Variants in SUSD1 observed in about 807,000 individuals in gnomAD.
SUSD1 encodes the protein sushi domain containing 1, also known as sushi domain-containing protein 1.
A neutral mutation model predicts 86.9 loss-of-function variants in SUSD1; 65 were observed. The observed-to-expected ratio is 0.75, with a 90% CI of 0.61 to 0.92. The LOEUF is 0.92. SUSD1 is among the 40% of genes least tolerant of loss of function. The pLI, the probability that SUSD1 is intolerant of heterozygous loss-of-function variation, is 0.00. For missense variants in SUSD1, 850 were observed against 929.7 expected (o/e 0.91, Z 1.11); for synonymous variants, 346 against 350.0 (o/e 0.99, Z 0.13).
chr9:112,173,107 G>A (rs550992614), intron 1 of SUSD1, among the ~76,000 whole-genome samples: 7 of 152,054 alleles, frequency 4.6e-5, no homozygotes, highest in Non-Finnish European at 8.8e-5. Flanking sequence ...GATATCACAG[G>A]AAGATCCTGA....
chr9:112,076,668 G>A (rs1829529295), intron 12 of SUSD1, among the ~76,000 whole-genome samples: 1 of 152,196 alleles, frequency 6.6e-6, no homozygotes, highest in Admixed American at 6.5e-5. Flanking sequence ...TCTGCATATA[G>A]GTAATAGTTA....
At chr9:112,110,996 G>T (rs1047272263) in intron 8 of SUSD1, among the ~76,000 whole-genome samples, 7 of 147,680 alleles carry the variant, frequency 4.7e-5, no homozygotes, top group Non-Finnish European at 7.6e-5. Flanking sequence ...TGGTTTTTTT[G>T]GGTTTTTTTT....
At chr9:112,078,839 G>T (rs1829644070) in intron 11 of SUSD1, 115 bp from the exon 12 acceptor site, 1 of 796,676 alleles carries the variant, frequency 1.3e-6, no homozygotes, top group Non-Finnish European at 1.9e-6. Context: ...TTGAGATGGG[G>T]GCCTCACTCT....
intron 1 of SUSD1, among the ~76,000 whole-genome samples, chr9:112,174,229 C>A (rs1272578201): frequency 6.6e-6 from 1 of 152,176 alleles, no homozygotes; most frequent in Non-Finnish European, 1.5e-5. Context: ...CTGCTATGAG[C>A]TGGGATACCT....
intron 12 of SUSD1, among the ~76,000 whole-genome samples, chr9:112,067,927 C>G (rs1829063029): frequency 6.6e-6 from 1 of 152,088 alleles, no homozygotes; most frequent in African/African-American, 2.4e-5. Context: ...GGTAGAAACC[C>G]TCAATCTCAA....
chr9:112,120,167 C>T (rs538714140), intron 6 of SUSD1, among the ~76,000 whole-genome samples: 5 of 152,088 alleles, frequency 3.3e-5, no homozygotes, highest in South Asian at 2.1e-4. Flanking sequence ...TTTAGCCATG[C>T]GTGGTGGGTC....
chr9:112,050,608 G>T (rs978440143), intron 15 of SUSD1, among the ~76,000 whole-genome samples: 1 of 152,206 alleles, frequency 6.6e-6, no homozygotes, highest in Non-Finnish European at 1.5e-5. Context: ...CTGAGGCGGG[G>T]AGAGGAGGTA....
chr9:112,072,102 A>C (rs754965941), intron 12 of SUSD1, among the ~76,000 whole-genome samples: 5 of 133,222 alleles, frequency 3.8e-5, no homozygotes, highest in African/African-American at 5.6e-5. Flanking sequence ...TCCTTTTATT[A>C]TTTATTTATT....
intron 12 of SUSD1, among the ~76,000 whole-genome samples, chr9:112,066,989 C>T (rs1014581902): frequency 1.3e-5 from 2 of 152,174 alleles, no homozygotes; most frequent in Non-Finnish European, 2.9e-5. Context: ...TCTTCTTCTA[C>T]CTCAGCCTCC....
Position 112,113,930 on chromosome 9 carries a change from T to C in SUSD1, c.887-1062A>G, listed in dbSNP as rs113808062. Among the ~76,000 whole-genome samples, 1 of 151,836 alleles carries C rather than the reference T, an allele frequency of 6.6e-6. No individual in the cohort carries two copies. The highest frequency in any genetic ancestry group is 2.1e-4 in the South Asian group (1 of 4,808). On this transcript the variant is annotated intron_variant, in intron 6 of 16. Transcript: ENST00000374270. This position sits in a 1 kb window ranked among gnomAD's most constrained non-coding sequence, Gnocchi z 4.1. Reference sequence around the variant, plus strand: ...CTGGGTGACGGAGCAAAACTCCATCTCAAAAGTAATAAAATAAAATAAAAT... The same window carrying C: ...CTGGGTGACGGAGCAAAACTCCATCCCAAAAGTAATAAAATAAAATAAAAT...
At chr9:112,160,613 C>T (rs551286673) in intron 1 of SUSD1, among the ~76,000 whole-genome samples, 10 of 152,208 alleles carry the variant, frequency 6.6e-5, no homozygotes, top group African/African-American at 2.4e-4. Context: ...CCTGTAATCT[C>T]AGCATTTGGG....
chr9:112,165,950 A>AAAGAAAGG lies in SUSD1; in HGVS notation c.104-8338_104-8337insCCTTTCTT, dbSNP rs1180080994. On this transcript the variant is annotated intron_variant, in intron 1 of 16. Transcript: ENST00000374270. The stretch of plus-strand genomic sequence containing the variant: ...AGAAAGAAAGAAAGAAAGAAGAAAG[A>AAAGAAAGG]AAGAAAGAAAGAAAGAAAGAAAGAA... 3.1e-3 allele frequency among the ~76,000 whole-genome samples: 455 copies of AAAGAAAGG among 144,852 alleles called. 7 individuals are homozygous for AAAGAAAGG. Among genetic ancestry groups the AAAGAAAGG allele is most frequent in the African/African-American group, 0.012 (431 of 37,224 alleles).
At chr9:112,086,306 CAAAA>C (rs34768628) in intron 10 of SUSD1, among the ~76,000 whole-genome samples, 3 of 89,700 alleles carry the variant, frequency 3.3e-5, no homozygotes, top group Admixed American at 1.2e-4. Flanking sequence ...GACCTTGCCT[CAAAA>C]AAAAAAAAAA....
intron 12 of SUSD1, among the ~76,000 whole-genome samples, chr9:112,072,140 C>CTTTTTTTT: frequency 1.9e-4 from 23 of 121,156 alleles, no homozygotes; most frequent in Admixed American, 2.8e-4. Flanking sequence ...CTTTCTTTCT[C>CTTTTTTTT]TTTTTTTTTT....
At chr9:112,136,403 T>G (rs1243945536) in intron 5 of SUSD1, among the ~76,000 whole-genome samples, 2 of 151,922 alleles carry the variant, frequency 1.3e-5, no homozygotes, top group Non-Finnish European at 2.9e-5. Context: ...CCAGACAATG[T>G]TATATGTTTT....
intron 12 of SUSD1, among the ~76,000 whole-genome samples, chr9:112,070,968 G>A (rs1297063343): frequency 6.6e-6 from 1 of 151,956 alleles, no homozygotes; most frequent in Non-Finnish European, 1.5e-5. Context: ...GAACCTAAGT[G>A]GTTTTGTTTT....
At chr9:112,057,286 C>T (rs1304510648) in intron 14 of SUSD1, among the ~76,000 whole-genome samples, 1 of 152,148 alleles carries the variant, frequency 6.6e-6, no homozygotes, top group Admixed American at 6.5e-5. Flanking sequence ...GCCTAAGCTA[C>T]CCAGTCTACC....
intron 8 of SUSD1, among the ~76,000 whole-genome samples, chr9:112,108,329 C>T (rs915468690): frequency 4.6e-5 from 7 of 152,098 alleles, no homozygotes; most frequent in Admixed American, 3.9e-4. Context: ...ACATTAAAGA[C>T]TTTTATTATC....
In SUSD1 at chr9:112,057,444, A is replaced by G. The variant is rs368371965; in HGVS notation, c.2109+984T>C. ...TATGGCTAAAAACTCCAAGTCAGAAACCCCAAGTAATTTTCTAATGAAAAG... is the reference window on the plus strand; with the variant it reads ...TATGGCTAAAAACTCCAAGTCAGAAGCCCCAAGTAATTTTCTAATGAAAAG... On this transcript the variant is annotated intron_variant, in intron 14 of 16. Transcript: ENST00000374270. Among the ~76,000 whole-genome samples, 10 of 152,276 alleles carry G rather than the reference A, an allele frequency of 6.6e-5. No homozygotes were observed. In the East Asian group the frequency reaches 1.2e-3, roughly 18 times the overall value.
Sources: gnomAD v4.1 joint callset for allele counts (sites outside exome capture counted in the v4.1 genomes callset) on GRCh38, gnomAD v4.1.1 for gene constraint, Gnocchi (gnomAD v3.1) non-coding constraint, MANE v1.5 for transcripts, NCBI Gene and HGNC (gene_info 2026-07-23, HGNC 2026-07-21) for gene names.